The following NLRC3 variants were observed in gnomAD, a reference collection of about 807,000 sequenced individuals.
NLRC3 encodes the protein NLR family CARD domain containing 3.
NLRC3 carries 87 observed loss-of-function variants against 91.6 expected under a neutral mutation model. That is an observed-to-expected ratio of 0.95 (90% confidence interval 0.80 to 1.14). NLRC3 has a LOEUF of 1.14. NLRC3 is among the 50% of genes most tolerant of loss of function. The pLI is 0.00. For synonymous variants in NLRC3, 694 were observed against 625.3 expected (o/e 1.11, Z -1.64); for missense variants, 1,577 against 1,418.6 (o/e 1.11, Z -1.79).
chr16:3,552,687 A>G (rs2039078208), intron 9 of NLRC3, among the ~76,000 whole-genome samples: 1 of 152,130 alleles, frequency 6.6e-6, no homozygotes, highest in Non-Finnish European at 1.5e-5. Flanking sequence ...CATGCCTGTG[A>G]TCCCAGCACC....
At position 3,557,726 on chromosome 16, in the gene NLRC3, T is replaced by A. The variant is rs764847941; in HGVS notation, c.2016-50A>T. The A allele has an allele frequency of 2.6e-6, 3 of 1,163,134 alleles. No individual in the cohort carries two copies. In the South Asian group the frequency reaches 3.8e-5, roughly 15 times the overall value. 72.1% of individuals were successfully genotyped at this position (1,163,134 alleles called of 1,614,324 possible). A position where few individuals can be genotyped will look rare whatever the true frequency, so the allele number is the denominator to read the frequency against. ...GGTTATTTTAGGCATGCACATCTCA[T>A]GGCCTCTTCCTCAACGCTGTGCCCG... On this transcript the variant is annotated intron_variant, in intron 6 of 19. Transcript: ENST00000359128.
chr16:3,562,964 T>G (rs1490188509), intron 5 of NLRC3, 45 bp downstream of exon 5: 1 of 1,511,350 alleles, frequency 6.6e-7, no homozygotes, highest in Non-Finnish European at 8.9e-7. Flanking sequence ...TTCTGCTCTC[T>G]CCTCTGCCCC....
At chr16:3,545,549 C>G (rs2038648398) in intron 15 of NLRC3, 1 of 151,984 alleles carries the variant, frequency 6.6e-6, no homozygotes, top group Admixed American at 6.6e-5. Context: ...TTGAGTGTGT[C>G]TCATGTGCTA....
At chr16:3,565,469 CAAAAAAAAAAAAAAA>C (rs57860901) in intron 2 of NLRC3, 89 bp from the exon 3 acceptor site, 285 of 44,862 alleles carry the variant, frequency 6.4e-3, no homozygotes, top group Middle Eastern at 0.04. Flanking sequence ...TGGGAAAAAG[CAAAAAAAAAAAAAAA>C]AAAAAAAAAA....
At position 3,541,559 on chromosome 16, in the gene NLRC3, C is replaced by T; in HGVS notation, c.*266G>A. 4.1e-6 allele frequency: 2 copies of T among 490,576 alleles called. No homozygotes were observed. Among genetic ancestry groups the T allele is most frequent in the Non-Finnish European group, 3.7e-6 (1 of 272,610 alleles). 30.4% of individuals were successfully genotyped at this position (490,576 alleles called of 1,614,324 possible). ...CTCCTGTACTGCTCAGCTTTCAGGC[C>T]TTTGGCCCCTAGTCCCTTGGGGGTG... On this transcript the variant is annotated 3_prime_UTR_variant, in exon 20 of 20. Coordinates refer to ENST00000359128, the MANE Select transcript of NLRC3 (RefSeq NM_178844.4).
chr16:3,564,905 C>G lies in NLRC3; in HGVS notation c.132G>C (p.Gln44His). 1 of 1,610,034 alleles carries G rather than the reference C, an allele frequency of 6.2e-7. No homozygotes were observed. The highest frequency in any genetic ancestry group is 8.5e-7 in the Non-Finnish European group (1 of 1,179,672). ...GKGSQGSQAPQALDRTPDAPL... is the reference protein window; with the variant it reads ...GKGSQGSQAPHALDRTPDAPL... ...GGGCATCCGGTGTCCTATCCAGGGC[C>G]TGCGGGGCCTGGGAGCCTTGACTGC... Residue 44 changes from glutamine to histidine, a missense_variant, in exon 4 of 20, where the codon CAG becomes CAC. Gln to His is a conservative substitution (Grantham distance 24). Transcript: ENST00000359128. The surrounding 1 kb of genome is among the most constrained non-coding windows in gnomAD (Gnocchi z 5.9).
At chr16:3,571,838 G>T (rs2040108684) in intron 1 of NLRC3, among the ~76,000 whole-genome samples, 1 of 151,640 alleles carries the variant, frequency 6.6e-6, no homozygotes, top group Non-Finnish European at 1.5e-5. Flanking sequence ...TACTCGGGAG[G>T]CTGAGGCAGG....
chr16:3,565,063 G>A lies in NLRC3; in HGVS notation c.-24-3C>T. 6.2e-7 allele frequency: 1 copy of A among 1,601,260 alleles called. No individual in the cohort carries two copies. The highest frequency in any genetic ancestry group is 8.5e-7 in the Non-Finnish European group (1 of 1,176,606). On this transcript the variant is annotated splice_polypyrimidine_tract_variant and splice_region_variant and intron_variant, in intron 3 of 19. Transcript: ENST00000359128. ...GAGTCGGGGATCACCTCCAGGAGCT[G>A]TGAAGAGAGGGCCTGAACCTGCTGC...
intron 6 of NLRC3, among the ~76,000 whole-genome samples, chr16:3,558,153 G>C (rs143792039): frequency 6.6e-6 from 1 of 152,234 alleles, no homozygotes; most frequent in Admixed American, 6.6e-5. Context: ...ACTAGCCTGG[G>C]AAACATAGGG....
chr16:3,557,083 A>G (rs1261947661), intron 7 of NLRC3, 89 bp from the exon 8 acceptor site: 7 of 884,368 alleles, frequency 7.9e-6, no homozygotes, highest in South Asian at 1.4e-5. Context: ...GAAATTCGTG[A>G]TCCTCTAAGG....
chr16:3,552,334 G>A (rs2039062054), intron 9 of NLRC3, 55 bp from the exon 10 acceptor site: 2 of 1,293,228 alleles, frequency 1.5e-6, no homozygotes, highest in Non-Finnish European at 2.2e-6. Context: ...CCATTCCCAG[G>A]CCAAGGACGG....
At chr16:3,566,620 G>C (rs2039895042) in intron 2 of NLRC3, among the ~76,000 whole-genome samples, 1 of 152,146 alleles carries the variant, frequency 6.6e-6, no homozygotes, top group Non-Finnish European at 1.5e-5. Flanking sequence ...AGCTACTCAG[G>C]AGGCTGAGGC....
chr16:3,556,446 C>T (rs1309169931), intron 8 of NLRC3, among the ~76,000 whole-genome samples: 3 of 150,118 alleles, frequency 2.0e-5, no homozygotes, highest in East Asian at 2.0e-4. Flanking sequence ...TGGAAACTTG[C>T]GTAGGGCATA....
At chr16:3,560,320 G>A (rs2039547791) in intron 6 of NLRC3, among the ~76,000 whole-genome samples, 1 of 152,134 alleles carries the variant, frequency 6.6e-6, no homozygotes, top group Admixed American at 6.5e-5. Flanking sequence ...CTACTCAGGA[G>A]GCTGAGGCAG....
In NLRC3 at chr16:3,552,459, T is replaced by C. The variant is rs79948129; in HGVS notation, c.2268-180A>G. On this transcript the variant is annotated intron_variant, in intron 9 of 19. Transcript: ENST00000359128. ...TTGCCTAAGTGATAATGGACCAACA[T>C]TATGATGAGGGATAGTAAGGGGTCA... 0.018 allele frequency among the ~76,000 whole-genome samples: 2,806 copies of C among 152,182 alleles called. 93 individuals carry two copies. Among genetic ancestry groups the C allele is most frequent in the African/African-American group, 0.06 (2,490 of 41,520 alleles).
intron 1 of NLRC3, among the ~76,000 whole-genome samples, chr16:3,572,526 A>C (rs1214532518): frequency 1.3e-5 from 2 of 152,134 alleles, no homozygotes; most frequent in African/African-American, 2.4e-5. Context: ...GGGGTCAAGC[A>C]ATCTTCCCAC....
In NLRC3 at chr16:3,564,873, C is replaced by G; in HGVS notation, c.164G>C (p.Gly55Ala). The stretch of plus-strand genomic sequence containing the variant: ...GCCGGTCCTACCATTGCTGCAGGGC[C>G]CCAGCGGGGCATCCGGTGTCCTATC... ...ALDRTPDAPL[G>A]PCSNDSRIQR... The change falls in exon 4 of 20, where the codon GGG becomes GCG. Residue 55 changes from glycine (G) to alanine (A), a missense_variant. Coordinates refer to ENST00000359128, the MANE Select transcript of NLRC3 (RefSeq NM_178844.4). This position sits in a 1 kb window ranked among gnomAD's most constrained non-coding sequence, Gnocchi z 5.9. 1 of 1,606,964 alleles carries G rather than the reference C, an allele frequency of 6.2e-7. No individual in the cohort carries two copies. The highest frequency in any genetic ancestry group is 8.5e-7 in the Non-Finnish European group (1 of 1,178,146).
intron 9 of NLRC3, among the ~76,000 whole-genome samples, chr16:3,553,225 C>G (rs2039104570): frequency 6.6e-6 from 1 of 152,216 alleles, no homozygotes; most frequent in East Asian, 1.9e-4. Flanking sequence ...CTGCCTCTGT[C>G]CCTTTAAGAT....
At chr16:3,556,661 C>T (rs183042005) in intron 8 of NLRC3, among the ~76,000 whole-genome samples, 27 of 152,274 alleles carry the variant, frequency 1.8e-4, no homozygotes, top group Non-Finnish European at 2.8e-4. Flanking sequence ...CCTGCCACCA[C>T]GCCAGCTAAT....
Sources: gnomAD v4.1 joint callset for allele counts (sites outside exome capture counted in the v4.1 genomes callset) on GRCh38, gnomAD v4.1.1 for gene constraint, Gnocchi (gnomAD v3.1) non-coding constraint, MANE v1.5 for transcripts, NCBI Gene and HGNC (gene_info 2026-07-23, HGNC 2026-07-21) for gene names.